Variants in KLRG1 observed in about 807,000 individuals in gnomAD.
The protein encoded by KLRG1 is killer cell lectin-like receptor subfamily G member 1.
In KLRG1, 16 loss-of-function variants were observed where a neutral mutation model predicts 21.8. That is an observed-to-expected ratio of 0.73 (90% CI 0.50 to 1.11). The LOEUF (loss-of-function observed/expected upper bound fraction) is 1.11. Ranked by LOEUF, KLRG1 falls within the 50% of genes most tolerant of loss-of-function variation. KLRG1 has a pLI of 0.00. For missense variants in KLRG1, 173 were observed against 218.3 expected, an observed-to-expected ratio of 0.79 and a Z score of 1.31; for synonymous variants, 69 against 75.9, an observed-to-expected ratio of 0.91 and a Z score of 0.47.
In KLRG1 at chr12:8,996,024, G is replaced by A. The variant is rs770944025; in HGVS notation, c.357+736G>A. Among the ~76,000 whole-genome samples, 29 of 152,222 alleles carry A rather than the reference G, an allele frequency of 1.9e-4. 2 individuals are homozygous for A. The South Asian group carries it at 5.4e-3, about 28-fold the overall frequency. On this transcript the variant is annotated intron_variant, in intron 3 of 4. Coordinates refer to ENST00000356986, the MANE Select transcript of KLRG1 (RefSeq NM_005810.4). ...GGAGGGAGGGAAAGATAGAGATCAC[G>A]GGGACAGAGTGATTGTGGCAAGGGC...
the KLRG1 span, among the ~76,000 whole-genome samples, chr12:9,049,426 T>G: frequency 1.3e-5 from 2 of 152,164 alleles, no homozygotes; most frequent in Non-Finnish European, 2.9e-5. Context: ...GAGCTGGGGT[T>G]TAGAGTCATA....
the KLRG1 span, among the ~76,000 whole-genome samples, chr12:9,031,449 T>A: frequency 6.6e-6 from 1 of 152,152 alleles, no homozygotes; most frequent in Non-Finnish European, 1.5e-5. Context: ...AAGCTTGAAC[T>A]CAGTGGGACT....
intron 2 of KLRG1, among the ~76,000 whole-genome samples, chr12:8,994,686 T>C (rs1350394379): frequency 1.3e-5 from 2 of 152,232 alleles, no homozygotes; most frequent in African/African-American, 4.8e-5. Context: ...TTCTGCCTGA[T>C]TTAAGCAATA....
At chr12:9,205,168 A>C in the KLRG1 span, among the ~76,000 whole-genome samples, 1 of 152,126 alleles carries the variant, frequency 6.6e-6, no homozygotes, top group East Asian at 1.9e-4. Context: ...TTTTATTTAA[A>C]TTGTTGAAAG....
chr12:8,963,801 A>G (rs985917389), intron 1 of KLRG1, among the ~76,000 whole-genome samples: 32 of 152,324 alleles, frequency 2.1e-4, no homozygotes, highest in Admixed American at 1.9e-3. Flanking sequence ...CATTTCTTCT[A>G]GATTTTCTAG....
chr12:9,138,268 A>G, the KLRG1 span, among the ~76,000 whole-genome samples: 1 of 151,982 alleles, frequency 6.6e-6, no homozygotes, highest in Non-Finnish European at 1.5e-5. Flanking sequence ...TTGTATTTAT[A>G]TAATTATGTG....
the KLRG1 span, chr12:9,090,394 C>T: frequency 5.0e-6 from 8 of 1,613,996 alleles, no homozygotes; most frequent in South Asian, 2.2e-5. Flanking sequence ...CACAGTTTGC[C>T]GCCCGTTTGC....
At chr12:9,198,850 T>C in the KLRG1 span, among the ~76,000 whole-genome samples, 2 of 152,320 alleles carry the variant, frequency 1.3e-5, no homozygotes, top group Middle Eastern at 3.4e-3. Context: ...CATAACTCCT[T>C]GGCCATTGCT....
chr12:9,024,848 G>A, the KLRG1 span, among the ~76,000 whole-genome samples: 1 of 152,210 alleles, frequency 6.6e-6, no homozygotes. Context: ...TGCTAGTAAT[G>A]CTCTCACAGG....
At chr12:9,164,381 A>G in the KLRG1 span, 5 of 1,043,108 alleles carry the variant, frequency 4.8e-6, no homozygotes, top group African/African-American at 4.7e-5. Flanking sequence ...AATGTATGTC[A>G]CATAGATTCA....
intron 1 of KLRG1, chr12:8,971,359 A>C (rs1946564062): frequency 6.6e-6 from 1 of 150,730 alleles, no homozygotes; most frequent in Non-Finnish European, 1.5e-5. Flanking sequence ...TAACTTGTTA[A>C]ATTTATTGAC....
the KLRG1 span, among the ~76,000 whole-genome samples, chr12:9,087,113 G>T: frequency 6.8e-6 from 1 of 147,054 alleles, no homozygotes; most frequent in South Asian, 2.1e-4. Flanking sequence ...ACTGATGAAA[G>T]AAATCAAAGA....
chr12:9,054,549 G>T, the KLRG1 span, among the ~76,000 whole-genome samples: 1 of 138,408 alleles, frequency 7.2e-6, no homozygotes, highest in Non-Finnish European at 1.7e-5. Context: ...CACATTAAAC[G>T]TTTATTATTT....
At chr12:9,184,068 A>G in the KLRG1 span, among the ~76,000 whole-genome samples, 8 of 152,350 alleles carry the variant, frequency 5.3e-5, no homozygotes, top group South Asian at 2.1e-4. Context: ...AAAAAAAATT[A>G]TGGTGACTTT....
At chr12:9,084,449 G>T in the KLRG1 span, among the ~76,000 whole-genome samples, 1 of 152,126 alleles carries the variant, frequency 6.6e-6, no homozygotes, top group Non-Finnish European at 1.5e-5. Context: ...AAATGTGTGT[G>T]GGGGAGTGAA....
chr12:9,182,737 G>C, the KLRG1 span, among the ~76,000 whole-genome samples: 5 of 152,164 alleles, frequency 3.3e-5, no homozygotes, highest in Admixed American at 6.5e-5. Flanking sequence ...AGCTACAAAA[G>C]GGCAACAACA....
chr12:9,193,780 C>T, the KLRG1 span, among the ~76,000 whole-genome samples: 1 of 151,986 alleles, frequency 6.6e-6, no homozygotes, highest in East Asian at 1.9e-4. Flanking sequence ...TAACATAAAA[C>T]AAAGTACATG....
At chr12:9,098,756 C>T in the KLRG1 span, 2 of 1,612,506 alleles carry the variant, frequency 1.2e-6, no homozygotes, top group South Asian at 1.1e-5. Context: ...CTCAAATCCA[C>T]CTGTGAAATT....
the KLRG1 span, chr12:9,113,492 C>G: frequency 6.2e-7 from 1 of 1,613,924 alleles, no homozygotes; most frequent in South Asian, 1.1e-5. Context: ...GGACACAGCC[C>G]TTCTCAGTGG....
Sources: gnomAD v4.1 joint callset for allele counts (sites outside exome capture counted in the v4.1 genomes callset) on GRCh38, gnomAD v4.1.1 for gene constraint, MANE v1.5 for transcripts, NCBI Gene and HGNC (gene_info 2026-07-23, HGNC 2026-07-21) for gene names.